The following PIPOX variants were observed in gnomAD, a reference collection of about 807,000 sequenced individuals.
The protein encoded by PIPOX is peroxisomal sarcosine oxidase.
Under a neutral mutation model 47.9 loss-of-function variants are expected in PIPOX, and 45 were observed. The observed-to-expected ratio is 0.94, with a 90% confidence interval of 0.74 to 1.20. PIPOX has a LOEUF of 1.20. Among genes scored for constraint, PIPOX ranks in the 50% most tolerant of loss-of-function variants. PIPOX has a pLI of 0.00. For missense variants in PIPOX, 458 were observed against 498.4 expected, an observed-to-expected ratio of 0.92 and a Z score of 0.77; for synonymous variants, 165 against 191.3, an observed-to-expected ratio of 0.86 and a Z score of 1.13.
chr17:29,054,633 G>T lies in PIPOX; in HGVS notation c.749G>T (p.Gly250Val), dbSNP rs780483590. Residue 250 changes from glycine (G) to valine (V), a missense_variant, in exon 5 of 8, where the codon GGC (glycine) becomes GTC (valine). Physicochemically the swap from Gly to Val is moderately radical, Grantham distance 109. Coordinates refer to ENST00000323372, the MANE Select transcript of PIPOX (RefSeq NM_016518.3). ...SQAFPCFLWL[G>V]LCPHHIYGLP... ...GCCTTTCCGTGCTTCCTGTGGCTGG[G>T]CTTGTGTCCCCACCACATCTACGGA... 1 of 1,614,204 alleles carries T rather than the reference G, an allele frequency of 6.2e-7. No homozygotes were observed. The highest frequency in any genetic ancestry group is 8.5e-7 in the Non-Finnish European group (1 of 1,180,030).
In PIPOX at chr17:29,054,530, T is replaced by C. The variant is rs751340842; in HGVS notation, c.661-15T>C. On this transcript the variant is annotated splice_polypyrimidine_tract_variant and intron_variant, in intron 4 of 7. Transcript: ENST00000323372. ...TGGCTTTTCTTCATTTCCCACTTCC[T>C]CTCCCTGCCTCAAGACCCTGCGGAT... 16 of 1,612,372 alleles carry C rather than the reference T, an allele frequency of 9.9e-6. No individual in the cohort carries two copies. The East Asian group carries it at 1.1e-4, about 11-fold the overall frequency.
At position 29,055,584 on chromosome 17, in the gene PIPOX, G is replaced by T. The variant is rs138671179; in HGVS notation, c.967-229G>T. 8.7e-4 allele frequency among the ~76,000 whole-genome samples: 133 copies of T among 152,352 alleles called. 1 individual carries two copies. Among genetic ancestry groups the T allele is most frequent in the Non-Finnish European group, 1.4e-3 (97 of 68,032 alleles). On this transcript the variant is annotated intron_variant, in intron 6 of 7. Coordinates refer to ENST00000323372, the MANE Select transcript of PIPOX (RefSeq NM_016518.3). ...ATCTTGGCTAAAGTTAGTTTACAAAGATTAACTGAACACCTACTGTGTTCG... is the reference window on the plus strand; with the variant it reads ...ATCTTGGCTAAAGTTAGTTTACAAATATTAACTGAACACCTACTGTGTTCG...
At chr17:29,055,271 G>A in intron 6 of PIPOX, 50 bp downstream of exon 6, 1 of 1,607,106 alleles carries the variant, frequency 6.2e-7, no homozygotes, top group Non-Finnish European at 8.5e-7. Context: ...TCTACAGAAG[G>A]GAAGAAGGAG....
rs2065779896 is a variant in PIPOX, at chr17:29,045,014, T to A, written c.263+7T>A. The A allele has an allele frequency of 6.3e-7, 1 of 1,585,860 alleles. No individual in the cohort carries two copies. Among genetic ancestry groups the A allele is most frequent in the Admixed American group, 1.8e-5 (1 of 55,288 alleles). ...CTGGAACCCAATTGCACAGGTGGGC[T>A]GTGGGAGGAATTCCTTGAATCGTGG... On this transcript the variant is annotated splice_region_variant and intron_variant, in intron 2 of 7. Transcript: ENST00000323372.
rs144497865 is a variant in PIPOX, at chr17:29,049,953, A to G, written c.264-2967A>G. Among the ~76,000 whole-genome samples, 60 of 152,354 alleles carry G rather than the reference A, an allele frequency of 3.9e-4. No homozygotes were observed. The East Asian group carries it at 9.6e-3, about 24-fold the overall frequency. On this transcript the variant is annotated intron_variant, in intron 2 of 7. Transcript: ENST00000323372. The stretch of plus-strand genomic sequence containing the variant: ...AATCGGCACAATTACATTCACCGGC[A>G]GAATCAGCTCGCTGATTACTCCCAG...
chr17:29,055,705 C>G lies in PIPOX; in HGVS notation c.967-108C>G, dbSNP rs2065825023. 4 of 948,160 alleles carry G rather than the reference C, an allele frequency of 4.2e-6. No homozygotes were observed. The Admixed American group carries it at 6.9e-5, about 16-fold the overall frequency. The allele number at this position is 948,160 out of a possible 1,614,324, so 58.7% of individuals were successfully genotyped here. On this transcript the variant is annotated intron_variant, in intron 6 of 7. Transcript: ENST00000323372. ...GCGGAAAGCATCCTTGTGCCTCATTCCATCCTTTCTGGAAAGAAATCCAGC... is the reference window on the plus strand; with the variant it reads ...GCGGAAAGCATCCTTGTGCCTCATTGCATCCTTTCTGGAAAGAAATCCAGC...
chr17:29,046,139 A>G (rs2065784788), intron 2 of PIPOX, among the ~76,000 whole-genome samples: 1 of 152,242 alleles, frequency 6.6e-6, no homozygotes, highest in Non-Finnish European at 1.5e-5. Context: ...CATTATGCAA[A>G]TCAGCCAGGG....
At chr17:29,054,471 C>T (rs2065819019) in intron 4 of PIPOX, 74 bp from the exon 5 acceptor site, 2 of 1,559,904 alleles carry the variant, frequency 1.3e-6, no homozygotes, top group Admixed American at 1.7e-5. Flanking sequence ...CCGCAGGGGC[C>T]CAGAGAAACT....
Position 29,043,272 on chromosome 17 carries a change from G to A in PIPOX, c.47G>A (p.Gly16Glu). The part of the protein sequence containing the change: ...DLWDAIVIGA[G>E]IQGCFTAYHL... ...TGGGACGCCATTGTGATTGGGGCGG[G>A]GATCCAGGGCTGCTTCACTGCATAC... The change falls in exon 1 of 8, where the codon GGG becomes GAG. Residue 16 changes from glycine (G) to glutamate (E), a missense_variant. Physicochemically the swap from Gly to Glu is moderately conservative, Grantham distance 98. Transcript: ENST00000323372. The A allele has an allele frequency of 6.2e-7, 1 of 1,613,650 alleles. No homozygotes were observed. Among genetic ancestry groups the A allele is most frequent in the Non-Finnish European group, 8.5e-7 (1 of 1,179,738 alleles).
chr17:29,046,438 T>C (rs1167720909), intron 2 of PIPOX, among the ~76,000 whole-genome samples: 6 of 152,222 alleles, frequency 3.9e-5, no homozygotes, highest in Admixed American at 1.3e-4. Flanking sequence ...TCCACACCAG[T>C]TGTGTGATCT....
At chr17:29,050,110 A>C (rs1471106418) in intron 2 of PIPOX, among the ~76,000 whole-genome samples, 2 of 152,212 alleles carry the variant, frequency 1.3e-5, no homozygotes, top group African/African-American at 4.8e-5. Context: ...ACATCCCTGT[A>C]AGAGGAGTCA....
intron 6 of PIPOX, 139 bp from the exon 7 acceptor site, chr17:29,055,674 G>A (rs556191649): frequency 9.4e-6 from 7 of 747,810 alleles, no homozygotes; most frequent in Admixed American, 5.9e-5. Flanking sequence ...AGAGGGGCAC[G>A]GGCATGCGGA....
At chr17:29,050,697 T>C (rs538147224) in intron 2 of PIPOX, among the ~76,000 whole-genome samples, 6 of 151,792 alleles carry the variant, frequency 4.0e-5, no homozygotes, top group African/African-American at 1.4e-4. Flanking sequence ...ATTAGCCAAG[T>C]GTGGTGGCAT....
In PIPOX at chr17:29,053,193, C is replaced by G. The variant is rs960287980; in HGVS notation, c.477+60C>G. ...TCCCTGCTCTGGGTGTCCTGGGTCCCAAGCAGCCAGCCCAAGACCCCCCTC... is the reference window on the plus strand; with the variant it reads ...TCCCTGCTCTGGGTGTCCTGGGTCCGAAGCAGCCAGCCCAAGACCCCCCTC... On this transcript the variant is annotated intron_variant, in intron 3 of 7. Coordinates refer to ENST00000323372, the MANE Select transcript of PIPOX (RefSeq NM_016518.3). The G allele has an allele frequency of 1.4e-5, 21 of 1,517,332 alleles. No homozygotes were observed. The African/African-American group carries it at 2.6e-4, about 19-fold the overall frequency. The allele number at this position is 1,517,332 out of a possible 1,614,324, so 94.0% of individuals were successfully genotyped here.
At chr17:29,052,525 A>C (rs1040151138) in intron 2 of PIPOX, among the ~76,000 whole-genome samples, 1 of 152,204 alleles carries the variant, frequency 6.6e-6, no homozygotes, top group Non-Finnish European at 1.5e-5. Flanking sequence ...CCTGGACCCG[A>C]GATCCCTCCT....
In PIPOX at chr17:29,043,270, G is replaced by A. The variant is rs371555487; in HGVS notation, c.45G>A (p.Ala15=). 228 of 1,613,614 alleles carry A rather than the reference G, an allele frequency of 1.4e-4. 2 individuals are homozygous for A. The highest frequency in any genetic ancestry group is 3.0e-4 in the South Asian group (27 of 91,022). ...TCTGGGACGCCATTGTGATTGGGGCGGGGATCCAGGGCTGCTTCACTGCAT... is the reference window on the plus strand; with the variant it reads ...TCTGGGACGCCATTGTGATTGGGGCAGGGATCCAGGGCTGCTTCACTGCAT... ...KDLWDAIVIG[A]GIQGCFTAYH... is the part of the protein sequence containing the mutation. The change falls in exon 1 of 8, where the codon GCG becomes GCA. Residue 15 remains alanine (A), a synonymous_variant. Transcript: ENST00000323372.
At chr17:29,043,675 T>C (rs1376574063) in intron 1 of PIPOX, among the ~76,000 whole-genome samples, 1 of 152,218 alleles carries the variant, frequency 6.6e-6, no homozygotes, top group African/African-American at 2.4e-5. Context: ...AGAAAAATAA[T>C]TGGTTCTGCT....
chr17:29,051,897 T>A, intron 2 of PIPOX: 1 of 468,470 alleles, frequency 2.1e-6, no homozygotes, highest in Non-Finnish European at 4.4e-6. Context: ...CAAAAATGGA[T>A]CATGCCATTT....
chr17:29,053,221 G>A, intron 3 of PIPOX, 88 bp downstream of exon 3: 1 of 1,356,440 alleles, frequency 7.4e-7, no homozygotes, highest in Non-Finnish European at 1.0e-6. Flanking sequence ...CCCCCCTCTG[G>A]ATGAGGCCTT....
Sources: gnomAD v4.1 joint callset for allele counts (sites outside exome capture counted in the v4.1 genomes callset) on GRCh38, gnomAD v4.1.1 for gene constraint, MANE v1.5 for transcripts, NCBI Gene and HGNC (gene_info 2026-07-23, HGNC 2026-07-21) for gene names.